Variants in LRP8 observed in about 807,000 individuals in gnomAD.
The protein encoded by LRP8 is low-density lipoprotein receptor-related protein 8.
In LRP8, 46 loss-of-function variants were observed where a neutral mutation model predicts 111.6. That is an observed-to-expected ratio of 0.41 (90% CI 0.33 to 0.53). The LOEUF is 0.53. LRP8 is among the 20% of genes least tolerant of loss of function. LRP8 has a pLI of 0.20. For missense variants in LRP8, 959 were observed against 1,297.4 expected (o/e 0.74, Z 4.01); for synonymous variants, 464 against 511.2 (o/e 0.91, Z 1.24).
rs564668943 is a variant in LRP8 at position 53,304,696 on chromosome 1, G to A, written c.245-15007C>T. ...AGGGCCGGGGTTCAGGGCTCTGGCCGGGACCACCCACCCATCTGAGGCCAG... is the reference window on the plus strand; with the variant it reads ...AGGGCCGGGGTTCAGGGCTCTGGCCAGGACCACCCACCCATCTGAGGCCAG... On this transcript the variant is annotated intron_variant, in intron 2 of 18. Coordinates refer to ENST00000306052, the MANE Select transcript of LRP8 (RefSeq NM_004631.5). 2.4e-3 allele frequency: 359 copies of A among 152,476 alleles called. 2 individuals carry two copies. Among genetic ancestry groups the A allele is most frequent in the Middle Eastern group, 0.017 (5 of 296 alleles). 9.4% of individuals were successfully genotyped at this position (152,476 alleles called of 1,614,324 possible).
Position 53,244,034 on chromosome 1 carries a change from C to T in LRP8, c.*2984G>A, listed in dbSNP as rs1359847127. 6.6e-6 allele frequency: 1 copy of T among 152,214 alleles called. No homozygotes were observed. Among genetic ancestry groups the T allele is most frequent in the African/African-American group, 2.4e-5 (1 of 41,450 alleles). 9.4% of individuals were successfully genotyped at this position (152,214 alleles called of 1,614,324 possible). On this transcript the variant is annotated 3_prime_UTR_variant, in exon 19 of 19. Transcript: ENST00000306052. ...GAGATAACTGGAGGGATCAATAGGA[C>T]TTACTGCCATACATTTAAATCCGAT... is the stretch of plus-strand genomic sequence containing the variant.
Position 53,260,669 on chromosome 1 carries a change from G to A in LRP8, c.1915-64C>T, listed in dbSNP as rs768781808. ...GTAAATCCATGACCTCAGTCTGAGG[G>A]GTTGGCCCCAAACCATAGTCACAAG... On this transcript the variant is annotated intron_variant, in intron 12 of 18. Coordinates refer to ENST00000306052, the MANE Select transcript of LRP8 (RefSeq NM_004631.5). The A allele has an allele frequency of 7.4e-5, 115 of 1,547,350 alleles. No individual in the cohort carries two copies. In the Middle Eastern group the frequency reaches 8.9e-4, roughly 12 times the overall value.
Position 53,294,536 on chromosome 1 carries a change from T to C in LRP8, c.245-4847A>G, listed in dbSNP as rs568511563. 1.3e-5 allele frequency among the ~76,000 whole-genome samples: 2 copies of C among 152,326 alleles called. No homozygotes were observed. Among genetic ancestry groups the C allele is most frequent in the Admixed American group, 6.5e-5 (1 of 15,306 alleles). ...CTGCTTCACGGGACACACAGGGTCA[T>C]TGTGAGAAGCAAATAAGCTAAGGAT... On this transcript the variant is annotated intron_variant, in intron 2 of 18. Transcript: ENST00000306052. The surrounding 1 kb of genome is among the most constrained non-coding windows in gnomAD (Gnocchi z 4.1).
At chr1:53,258,044 G>A (rs1248779275) in intron 14 of LRP8, 4 of 275,180 alleles carry the variant, frequency 1.5e-5, no homozygotes, top group Admixed American at 1.4e-4. Flanking sequence ...TTAACTTGAG[G>A]TTTTTAAAGC....
rs1262088654 is a variant in LRP8, at chr1:53,255,219, T to C, written c.2435-34A>G. On this transcript the variant is annotated intron_variant, in intron 15 of 18. Transcript: ENST00000306052. ...CACAAACATTTGCAGAATGATGCTC[T>C]ATCACTGTGTGTCCAAGCCCCTACT... is the stretch of plus-strand genomic sequence containing the variant. 4.4e-6 allele frequency: 7 copies of C among 1,598,198 alleles called. No individual in the cohort carries two copies. In the South Asian group the frequency reaches 7.7e-5, roughly 18 times the overall value.
chr1:53,304,388 G>C (rs1165837037), intron 2 of LRP8: 1 of 152,260 alleles, frequency 6.6e-6, no homozygotes, highest in Non-Finnish European at 1.5e-5. Context: ...GCTCAGGGCA[G>C]AGGGGGTCCC....
Position 53,275,531 on chromosome 1 carries a change from G to C in LRP8, c.1006+100C>G. 6.7e-7 allele frequency: 1 copy of C among 1,494,380 alleles called. No homozygotes were observed. Among genetic ancestry groups the C allele is most frequent in the African/African-American group, 1.4e-5 (1 of 72,182 alleles). 92.6% of individuals were successfully genotyped at this position (1,494,380 alleles called of 1,614,324 possible). Reference sequence around the variant, plus strand: ...ATGCTCTGGGGGAAAATGCATCTTGGGGACCAAGGGGAAACTCCTCCCAAC... The same window carrying C: ...ATGCTCTGGGGGAAAATGCATCTTGCGGACCAAGGGGAAACTCCTCCCAAC... On this transcript the variant is annotated intron_variant, in intron 6 of 18. Coordinates refer to ENST00000306052, the MANE Select transcript of LRP8 (RefSeq NM_004631.5). The surrounding 1 kb of genome is among the most constrained non-coding windows in gnomAD (Gnocchi z 4.4).
intron 2 of LRP8, among the ~76,000 whole-genome samples, chr1:53,325,456 G>T (rs1655013837): frequency 6.6e-6 from 1 of 152,188 alleles, no homozygotes; most frequent in South Asian, 2.1e-4. Context: ...TTCCAATTTC[G>T]CTTCTAGAAC....
At chr1:53,318,081 C>A (rs1261862050) in intron 2 of LRP8, among the ~76,000 whole-genome samples, 1 of 152,148 alleles carries the variant, frequency 6.6e-6, no homozygotes, top group Non-Finnish European at 1.5e-5. Flanking sequence ...GGAATAAGGA[C>A]CAATGAGTGA....
intron 15 of LRP8, among the ~76,000 whole-genome samples, chr1:53,256,445 A>T (rs1646091274): frequency 1.3e-5 from 2 of 152,238 alleles, no homozygotes; most frequent in Non-Finnish European, 2.9e-5. Flanking sequence ...AGGAACTGGA[A>T]TTCACACATG....
chr1:53,292,035 G>A (rs1262499919), intron 2 of LRP8: 1 of 152,158 alleles, frequency 6.6e-6, no homozygotes, highest in African/African-American at 2.4e-5. Flanking sequence ...TTACAGTTCT[G>A]GGGCTTGCCT....
At chr1:53,280,794 C>T in intron 3 of LRP8, 79 bp from the exon 4 acceptor site, 1 of 1,565,384 alleles carries the variant, frequency 6.4e-7, no homozygotes, top group East Asian at 2.3e-5. Context: ...CCACCCTGTT[C>T]CAGCCATCTG....
At chr1:53,313,546 GA>G (rs1653379840) in intron 2 of LRP8, among the ~76,000 whole-genome samples, 1 of 152,174 alleles carries the variant, frequency 6.6e-6, no homozygotes, top group African/African-American at 2.4e-5. Flanking sequence ...ACAAGGATGA[GA>G]GAGCCCAGAG....
chr1:53,299,939 CAGAG>C (rs1385286260), intron 2 of LRP8, among the ~76,000 whole-genome samples: 4 of 152,256 alleles, frequency 2.6e-5, no homozygotes, highest in Admixed American at 6.5e-5. Context: ...AGTGGGCTGA[CAGAG>C]GGAGGGAACT....
Position 53,328,013 on chromosome 1 carries a change from G to T in LRP8, c.-101C>A. 1 of 724,654 alleles carries T rather than the reference G, an allele frequency of 1.4e-6. No individual in the cohort carries two copies. The highest frequency in any genetic ancestry group is 1.7e-6 in the Non-Finnish European group (1 of 594,344). 44.9% of individuals were successfully genotyped at this position (724,654 alleles called of 1,614,324 possible). ...TTGCCGCGGCGCCGGGGTTGCCGCTGCCCCCGCCGCCGCCGCCGCCGCCGC... is the reference window on the plus strand; with the variant it reads ...TTGCCGCGGCGCCGGGGTTGCCGCTTCCCCCGCCGCCGCCGCCGCCGCCGC... On this transcript the variant is annotated 5_prime_UTR_variant, in exon 1 of 19. Transcript: ENST00000306052.
chr1:53,281,068 T>C lies in LRP8; in HGVS notation c.368-353A>G, dbSNP rs547758382. On this transcript the variant is annotated intron_variant, in intron 3 of 18. Transcript: ENST00000306052. ...CATGGAGCCACCATGCCCTGCACTCTTCTCTGCCATTTCCCAGCTGTGTGC... is the reference window on the plus strand; with the variant it reads ...CATGGAGCCACCATGCCCTGCACTCCTCTCTGCCATTTCCCAGCTGTGTGC... 7.2e-5 allele frequency among the ~76,000 whole-genome samples: 11 copies of C among 152,326 alleles called. No homozygotes were observed. The South Asian group carries it at 2.3e-3, about 32-fold the overall frequency.
In LRP8 at chr1:53,312,266, C is replaced by T. The variant is rs79996082; in HGVS notation, c.244+14607G>A. 5.7e-3 allele frequency among the ~76,000 whole-genome samples: 864 copies of T among 152,330 alleles called. 10 individuals are homozygous for T. The highest frequency in any genetic ancestry group is 0.019 in the African/African-American group (800 of 41,566). On this transcript the variant is annotated intron_variant, in intron 2 of 18. Coordinates refer to ENST00000306052, the MANE Select transcript of LRP8 (RefSeq NM_004631.5). Reference sequence around the variant, plus strand: ...GCCTCCTGGCCCTATCCACACAGCTCCCTACTCAGAATGTTTGGCCCTGCT... The same window carrying T: ...GCCTCCTGGCCCTATCCACACAGCTTCCTACTCAGAATGTTTGGCCCTGCT...
At chr1:53,255,295 T>TGAG in intron 15 of LRP8, 110 bp from the exon 16 acceptor site, 3 of 888,590 alleles carry the variant, frequency 3.4e-6, no homozygotes, top group Non-Finnish European at 5.4e-6. Flanking sequence ...CATTCTAAAA[T>TGAG]GATGATCCTG....
intron 12 of LRP8, among the ~76,000 whole-genome samples, chr1:53,261,060 T>C (rs990738436): frequency 1.2e-4 from 18 of 152,114 alleles, no homozygotes; most frequent in Non-Finnish European, 2.5e-4. Context: ...TGTCAGCAAA[T>C]CCACACGTAC....
Sources: gnomAD v4.1 joint callset for allele counts (sites outside exome capture counted in the v4.1 genomes callset) on GRCh38, gnomAD v4.1.1 for gene constraint, Gnocchi (gnomAD v3.1) non-coding constraint, MANE v1.5 for transcripts, NCBI Gene and HGNC (gene_info 2026-07-23, HGNC 2026-07-21) for gene names.